GRM7: variants seen among roughly 807,000 people sequenced by gnomAD.
The protein encoded by GRM7 is metabotropic glutamate receptor 7.
A neutral mutation model predicts 84.5 loss-of-function variants in GRM7; 35 were observed. The observed-to-expected ratio is 0.41, with a 90% CI of 0.32 to 0.55. The LOEUF is 0.55. Among genes scored for constraint, GRM7 ranks in the 20% least tolerant of loss-of-function variants. The pLI, the probability that GRM7 is intolerant of heterozygous loss-of-function variation, is 0.19. For missense variants in GRM7, 1,003 were observed against 1,194.6 expected, an observed-to-expected ratio of 0.84 and a Z score of 2.36; for synonymous variants, 487 against 455.1, an observed-to-expected ratio of 1.07 and a Z score of -0.89.
intron 6 of GRM7, among the ~76,000 whole-genome samples, chr3:7,454,090 A>ACTCT (rs58338960): frequency 0.011 from 1,578 of 140,134 alleles, 10 homozygotes; most frequent in Admixed American, 0.017. Flanking sequence ...CTACACACAC[A>ACTCT]CTCTCTCTCT....
intron 9 of GRM7, among the ~76,000 whole-genome samples, chr3:7,688,164 A>C (rs1186148242): frequency 6.6e-6 from 1 of 152,172 alleles, no homozygotes; most frequent in African/African-American, 2.4e-5. Flanking sequence ...GTCTAAGTTG[A>C]CGCCTTTGGG....
intron 1 of GRM7, among the ~76,000 whole-genome samples, chr3:7,068,748 A>G (rs1559418439): frequency 6.6e-6 from 1 of 151,970 alleles, no homozygotes; most frequent in African/African-American, 2.4e-5. Context: ...TTAGCAATGC[A>G]TATATTTCAT....
intron 4 of GRM7, among the ~76,000 whole-genome samples, chr3:7,316,982 G>A (rs1200644544): frequency 6.6e-6 from 1 of 152,104 alleles, no homozygotes; most frequent in Non-Finnish European, 1.5e-5. Flanking sequence ...TGGCCAGTGA[G>A]GAAGAACAAA....
chr3:7,264,991 T>G (rs1329576636), intron 2 of GRM7, among the ~76,000 whole-genome samples: 1 of 152,250 alleles, frequency 6.6e-6, no homozygotes, highest in Non-Finnish European at 1.5e-5. Flanking sequence ...AAAGGTTGTA[T>G]TTACCAGTTG....
At chr3:7,456,120 T>C (rs1308482596) in intron 6 of GRM7, among the ~76,000 whole-genome samples, 1 of 152,162 alleles carries the variant, frequency 6.6e-6, no homozygotes, top group Non-Finnish European at 1.5e-5. Flanking sequence ...TTTTATTTTT[T>C]TCAAGCATCA....
intron 1 of GRM7, among the ~76,000 whole-genome samples, chr3:6,967,629 A>G (rs1693577923): frequency 6.6e-6 from 1 of 152,252 alleles, no homozygotes; most frequent in Non-Finnish European, 1.5e-5. Context: ...GAAGAAGAAT[A>G]CAGCTTTTGG....
intron 1 of GRM7, among the ~76,000 whole-genome samples, chr3:7,038,060 A>G (rs1696445365): frequency 1.3e-5 from 2 of 152,346 alleles, no homozygotes; most frequent in South Asian, 4.1e-4. Context: ...ATTCAAATGA[A>G]TAAAAGTTTT....
intron 2 of GRM7, among the ~76,000 whole-genome samples, chr3:7,235,559 G>T (rs572279569): frequency 6.6e-6 from 1 of 152,120 alleles, no homozygotes; most frequent in Non-Finnish European, 1.5e-5. Context: ...ACCTCCTGAC[G>T]ATTTGATCTA....
rs564059912 is a variant in GRM7, at chr3:7,283,922, C to T, written c.737-14762C>T. On this transcript the variant is annotated intron_variant, in intron 2 of 9. Transcript: ENST00000357716. ...TTCATTTGAAAGCTGATTCAAACAA[C>T]ATATATGTCAAACCAATTCAGAAGA... is the stretch of plus-strand genomic sequence containing the variant. Among the ~76,000 whole-genome samples, 6 of 152,232 alleles carry T rather than the reference C, an allele frequency of 3.9e-5. No individual in the cohort carries two copies. The East Asian group carries it at 1.2e-3, about 29-fold the overall frequency.
chr3:7,516,202 T>G lies in GRM7; in HGVS notation c.1515+54480T>G, dbSNP rs58847472. Among the ~76,000 whole-genome samples, 489 of 138,486 alleles carry G rather than the reference T, an allele frequency of 3.5e-3. 6 individuals are homozygous for G. The highest frequency in any genetic ancestry group is 0.013 in the African/African-American group (469 of 37,168). 90.9% of individuals were successfully genotyped at this position (138,486 alleles called of 152,430 possible). A position where few individuals can be genotyped will look rare whatever the true frequency, so the allele number is the denominator to read the frequency against. ...AAAAAAAAAAAAGGGCTGGGCACGG[T>G]GGCTCACGCCTGTAATCCCAGCACT... On this transcript the variant is annotated intron_variant, in intron 7 of 9. Transcript: ENST00000357716.
intron 4 of GRM7, among the ~76,000 whole-genome samples, chr3:7,410,596 TATAC>T (rs1299303878): frequency 1.3e-4 from 9 of 68,784 alleles, no homozygotes; most frequent in Admixed American, 5.4e-4. Context: ...TATATATATA[TATAC>T]ACACACACAC....
chr3:7,307,647 T>A (rs1399452331), intron 4 of GRM7, among the ~76,000 whole-genome samples: 1 of 152,202 alleles, frequency 6.6e-6, no homozygotes, highest in Non-Finnish European at 1.5e-5. Flanking sequence ...CACCCATGTT[T>A]TCACTGGGAG....
chr3:7,599,975 T>C (rs1246203313), intron 8 of GRM7, among the ~76,000 whole-genome samples: 4 of 152,122 alleles, frequency 2.6e-5, no homozygotes, highest in Admixed American at 6.5e-5. Context: ...TAGCAACAAT[T>C]GAACCAAACA....
chr3:7,133,896 C>T (rs919057278), intron 1 of GRM7, among the ~76,000 whole-genome samples: 4 of 152,076 alleles, frequency 2.6e-5, no homozygotes, highest in Non-Finnish European at 4.4e-5. Context: ...TGGGATACCA[C>T]GTTGGGATGG....
At chr3:7,416,370 G>A (rs930964916) in intron 5 of GRM7, among the ~76,000 whole-genome samples, 27 of 152,084 alleles carry the variant, frequency 1.8e-4, no homozygotes, top group African/African-American at 6.0e-4. Context: ...AATGTAATAA[G>A]GCTAAATGTT....
rs34860272 is a variant in GRM7 at position 7,435,851 on chromosome 3, CTTTTTTTTTT to C, written c.1175-16741_1175-16732del. ...TACAGGCGCCCGCCACCACACCCAT[CTTTTTTTTTT>C]TTTTTTTTTTTTTTGTATTTTTAGT... On this transcript the variant is annotated intron_variant, in intron 5 of 9. Transcript: ENST00000357716. Among the ~76,000 whole-genome samples, 15 of 89,254 alleles carry C rather than the reference CTTTTTTTTTT, an allele frequency of 1.7e-4. No homozygotes were observed. The East Asian group carries it at 3.4e-3, about 20-fold the overall frequency. The allele number at this position is 89,254 out of a possible 152,430, so 58.6% of individuals were successfully genotyped here. A position where few individuals can be genotyped will look rare whatever the true frequency, so the allele number is the denominator to read the frequency against.
At chr3:7,102,397 C>G (rs1170425761) in intron 1 of GRM7, among the ~76,000 whole-genome samples, 1 of 151,718 alleles carries the variant, frequency 6.6e-6, no homozygotes, top group Non-Finnish European at 1.5e-5. Context: ...AGTGTATCTG[C>G]AAATCATTGT....
At chr3:7,254,655 T>C (rs1698131025) in intron 2 of GRM7, among the ~76,000 whole-genome samples, 1 of 152,200 alleles carries the variant, frequency 6.6e-6, no homozygotes, top group South Asian at 2.1e-4. Flanking sequence ...GTGGTCTGGA[T>C]TTGGCCAGCA....
At chr3:7,131,348 T>A (rs576698653) in intron 1 of GRM7, among the ~76,000 whole-genome samples, 5 of 152,302 alleles carry the variant, frequency 3.3e-5, no homozygotes, top group African/African-American at 1.2e-4. Flanking sequence ...GATGCCGGTA[T>A]CCTCATGGAA....
Sources: allele counts gnomAD v4.1 joint callset (sites outside exome capture counted in the v4.1 genomes callset), GRCh38; gene constraint gnomAD v4.1.1; transcripts MANE v1.5; gene names NCBI Gene and HGNC (gene_info 2026-07-23, HGNC 2026-07-21).